The following DNAH2 variants were observed in gnomAD, a reference collection of about 807,000 sequenced individuals.
The protein encoded by DNAH2 is dynein axonemal heavy chain 2.
In DNAH2, 323 loss-of-function variants were observed where a neutral mutation model predicts 523.5. The observed-to-expected ratio is 0.62, with a 90% CI of 0.56 to 0.68. The LOEUF (loss-of-function observed/expected upper bound fraction) is 0.68. Ranked by LOEUF, DNAH2 falls within the 30% of genes least tolerant of loss-of-function variation. The pLI is 0.00. For missense variants in DNAH2, 4,907 were observed against 5,701.5 expected (o/e 0.86, Z 4.49); for synonymous variants, 2,093 against 2,177.4 (o/e 0.96, Z 1.08).
In DNAH2 at chr17:7,775,904, C is replaced by A. The variant is rs1184890916; in HGVS notation, c.4822-120C>A. The A allele has an allele frequency of 1.4e-5, 19 of 1,348,318 alleles. No homozygotes were observed. The Admixed American group carries it at 4.1e-4, about 29-fold the overall frequency. 83.5% of individuals were successfully genotyped at this position (1,348,318 alleles called of 1,614,324 possible). A position where few individuals can be genotyped will look rare whatever the true frequency, so the allele number is the denominator to read the frequency against. On this transcript the variant is annotated intron_variant, in intron 30 of 85. Coordinates refer to ENST00000572933, the MANE Select transcript of DNAH2 (RefSeq NM_020877.5). ...TCAGGAACGCAAGCCAGCTGTTGGC[C>A]ATTCCCGCTTTTCTCTGGGTACAAA...
At chr17:7,768,389 G>A (rs2076229260) in intron 24 of DNAH2, 122 bp downstream of exon 24, 3 of 932,352 alleles carry the variant, frequency 3.2e-6, no homozygotes, top group South Asian at 1.6e-5. Flanking sequence ...GTCCACAAAT[G>A]TATGTCTTTT....
chr17:7,737,366 G>A (rs2075172596), intron 8 of DNAH2, 108 bp downstream of exon 8: 1 of 1,224,034 alleles, frequency 8.2e-7, no homozygotes. Context: ...AGGTAGTGAA[G>A]ATTGCCCTTC....
chr17:7,720,570 T>G (rs186301626), intron 2 of DNAH2, among the ~76,000 whole-genome samples: 1 of 152,216 alleles, frequency 6.6e-6, no homozygotes, highest in Admixed American at 6.5e-5. Context: ...TTGTTGCTAT[T>G]GCTGGGATCT....
intron 63 of DNAH2, among the ~76,000 whole-genome samples, chr17:7,814,976 GTCTT>G (rs1021056021): frequency 1.2e-4 from 18 of 152,130 alleles, no homozygotes; most frequent in Non-Finnish European, 2.6e-4. Context: ...GTGCATGTAT[GTCTT>G]TCTTTCTTTT....
intron 29 of DNAH2, 43 bp from the exon 30 acceptor site, chr17:7,775,198 A>C: frequency 6.3e-7 from 1 of 1,590,230 alleles, no homozygotes; most frequent in South Asian, 1.1e-5. Context: ...GCGGACACCA[A>C]GGGTGGGCAG....
chr17:7,766,552 G>A (rs17733320), intron 22 of DNAH2, 71 bp downstream of exon 22: 126 of 1,478,264 alleles, frequency 8.5e-5, no homozygotes, highest in South Asian at 1.3e-4. Context: ...GGTCCTTAGC[G>A]CCCACAAAGG....
At chr17:7,725,425 A>AATATATATATATATATATAT (rs71387992) in intron 3 of DNAH2, among the ~76,000 whole-genome samples, 2,619 of 124,594 alleles carry the variant, frequency 0.021, 74 homozygotes, top group Middle Eastern at 0.046. Flanking sequence ...ACTTCAAGTG[A>AATATATATATATATATATAT]ATATATATAT....
intron 2 of DNAH2, among the ~76,000 whole-genome samples, chr17:7,721,791 C>T (rs1362434835): frequency 6.6e-6 from 1 of 152,140 alleles, no homozygotes; most frequent in Non-Finnish European, 1.5e-5. Flanking sequence ...AGAAACAGAG[C>T]CGCTGGGTTT....
chr17:7,793,445 CTT>C (rs559024587), intron 48 of DNAH2, among the ~76,000 whole-genome samples: 31,240 of 99,732 alleles, frequency 0.31, 4,850 homozygotes, highest in Middle Eastern at 0.39. Flanking sequence ...TTCTTTCTTT[CTT>C]TTTCTTTCTT....
chr17:7,814,736 G>A (rs2077612321), intron 63 of DNAH2, among the ~76,000 whole-genome samples: 1 of 152,180 alleles, frequency 6.6e-6, no homozygotes, highest in African/African-American at 2.4e-5. Context: ...TGTAATTCCA[G>A]CTACTCGGGA....
chr17:7,754,598 T>C lies in DNAH2; in HGVS notation c.1905-2493T>C. 1.3e-6 allele frequency: 2 copies of C among 1,503,982 alleles called. No homozygotes were observed. The highest frequency in any genetic ancestry group is 1.8e-6 in the Non-Finnish European group (2 of 1,095,920). 93.2% of individuals were successfully genotyped at this position (1,503,982 alleles called of 1,614,324 possible). A position where few individuals can be genotyped will look rare whatever the true frequency, so the allele number is the denominator to read the frequency against. On this transcript the variant is annotated intron_variant, in intron 12 of 85. Transcript: ENST00000572933. This position sits in a 1 kb window ranked among gnomAD's most constrained non-coding sequence, Gnocchi z 4.6. ...AGGCCATGAGTCCACGTGCCGAGGCTCTCAAGGCCCTCGTAAAGCCCAAGG... is the reference window on the plus strand; with the variant it reads ...AGGCCATGAGTCCACGTGCCGAGGCCCTCAAGGCCCTCGTAAAGCCCAAGG...
In DNAH2 at chr17:7,807,148, A is replaced by G; in HGVS notation, c.9443-2A>G. 6.2e-7 allele frequency: 1 copy of G among 1,604,572 alleles called. No individual in the cohort carries two copies. The highest frequency in any genetic ancestry group is 8.5e-7 in the Non-Finnish European group (1 of 1,179,748). ...CTAAGGCCCCTAATTTTCATCCCAC[A>G]GGGGAACAGAACTTCATCAAGTCAC... On this transcript the variant is annotated splice_acceptor_variant, in intron 61 of 85. Coordinates refer to ENST00000572933, the MANE Select transcript of DNAH2 (RefSeq NM_020877.5). LOFTEE classifies it high-confidence loss of function. The surrounding 1 kb of genome is among the most constrained non-coding windows in gnomAD (Gnocchi z 5.6).
chr17:7,792,350 G>A lies in DNAH2; in HGVS notation c.7145+7G>A. ...GTTGGCGCTACCCTCCAAAGTAAGA[G>A]CTGGGCCTGGGTGTGAGGAGGGCAT... On this transcript the variant is annotated splice_region_variant and intron_variant, in intron 46 of 85. Coordinates refer to ENST00000572933, the MANE Select transcript of DNAH2 (RefSeq NM_020877.5). 6.2e-7 allele frequency: 1 copy of A among 1,614,020 alleles called. No individual in the cohort carries two copies. The highest frequency in any genetic ancestry group is 1.3e-5 in the African/African-American group (1 of 75,006).
intron 20 of DNAH2, among the ~76,000 whole-genome samples, chr17:7,764,782 C>CT (rs59188289): frequency 0.12 from 6,097 of 49,430 alleles, 394 homozygotes; most frequent in African/African-American, 0.14. Flanking sequence ...ACTGTATTTA[C>CT]TTTTTTTTTT....
chr17:7,726,196 G>C (rs2074803488), intron 3 of DNAH2, among the ~76,000 whole-genome samples: 1 of 151,918 alleles, frequency 6.6e-6, no homozygotes, highest in African/African-American at 2.4e-5. Flanking sequence ...AGTAGAGATG[G>C]GGTTTCACCA....
chr17:7,725,441 T>TATATATATATATA (rs398119671), intron 3 of DNAH2, among the ~76,000 whole-genome samples: 6 of 137,038 alleles, frequency 4.4e-5, no homozygotes, highest in Admixed American at 7.4e-5. Context: ...TATATATATA[T>TATATATATATATA]TTTCTTTTTG....
At chr17:7,744,971 A>G (rs186883409) in intron 12 of DNAH2, among the ~76,000 whole-genome samples, 3 of 151,818 alleles carry the variant, frequency 2.0e-5, no homozygotes, top group African/African-American at 7.2e-5. Context: ...ATTTCCTTAA[A>G]CACTAATGAT....
At chr17:7,827,616 T>G (rs1194700385) in intron 77 of DNAH2, among the ~76,000 whole-genome samples, 1 of 152,032 alleles carries the variant, frequency 6.6e-6, no homozygotes, top group Non-Finnish European at 1.5e-5. Context: ...CAGCTAATTT[T>G]GTTATTTTTT....
chr17:7,735,963 G>C (rs1024809961), intron 7 of DNAH2, among the ~76,000 whole-genome samples: 9 of 152,014 alleles, frequency 5.9e-5, no homozygotes, highest in Non-Finnish European at 1.0e-4. Context: ...ATGTTGGCCA[G>C]GCTGGTCTCG....
Sources: gnomAD v4.1 joint callset for allele counts (sites outside exome capture counted in the v4.1 genomes callset) on GRCh38, gnomAD v4.1.1 for gene constraint, Gnocchi (gnomAD v3.1) non-coding constraint, MANE v1.5 for transcripts, NCBI Gene and HGNC (gene_info 2026-07-23, HGNC 2026-07-21) for gene names.